The following PPFIBP2 variants were observed in gnomAD, a reference collection of about 807,000 sequenced individuals.
PPFIBP2 encodes liprin-beta-2.
In PPFIBP2, 118 loss-of-function variants were observed where a neutral mutation model predicts 118.3. That is an observed-to-expected ratio of 1.00 (90% CI 0.86 to 1.16). The LOEUF is 1.16. PPFIBP2 is among the 50% of genes most tolerant of loss of function. The pLI is 0.00. For synonymous variants in PPFIBP2, 414 were observed against 397.4 expected, an observed-to-expected ratio of 1.04 and a Z score of -0.50; for missense variants, 1,195 against 1,073.1, an observed-to-expected ratio of 1.11 and a Z score of -1.59.
At chr11:7,632,148 T>C (rs1850847345) in intron 11 of PPFIBP2, among the ~76,000 whole-genome samples, 1 of 152,230 alleles carries the variant, frequency 6.6e-6, no homozygotes, top group Non-Finnish European at 1.5e-5. Context: ...GCTCATGGTC[T>C]TTCCCCCTGT....
chr11:7,648,113 A>C (rs1359140331), intron 17 of PPFIBP2: 1 of 369,356 alleles, frequency 2.7e-6, no homozygotes. Context: ...TGTGAACATG[A>C]TCTCAGGAGG....
intron 7 of PPFIBP2, among the ~76,000 whole-genome samples, chr11:7,623,906 C>T (rs189117552): frequency 3.3e-5 from 5 of 152,272 alleles, no homozygotes; most frequent in Middle Eastern, 3.4e-3. Flanking sequence ...GCATCTTTGC[C>T]CTGAGTGAGC....
chr11:7,527,594 TAC>T (rs1406574260), intron 1 of PPFIBP2, among the ~76,000 whole-genome samples: 2 of 152,150 alleles, frequency 1.3e-5, no homozygotes, highest in Non-Finnish European at 2.9e-5. Flanking sequence ...TGTACCCCCT[TAC>T]TCAAACAGAT....
intron 6 of PPFIBP2, among the ~76,000 whole-genome samples, chr11:7,611,769 T>C (rs962067276): frequency 3.9e-5 from 6 of 152,250 alleles, no homozygotes; most frequent in African/African-American, 1.4e-4. Context: ...AGTTAGCTTT[T>C]ATTGATCACT....
chr11:7,624,551 C>T (rs1849738220), intron 7 of PPFIBP2, among the ~76,000 whole-genome samples: 1 of 152,114 alleles, frequency 6.6e-6, no homozygotes, highest in East Asian at 1.9e-4. Flanking sequence ...ACCTTGAGGA[C>T]CAAAGTGGGA....
At chr11:7,537,626 G>A (rs889287458) in intron 1 of PPFIBP2, among the ~76,000 whole-genome samples, 1 of 152,234 alleles carries the variant, frequency 6.6e-6, no homozygotes, top group African/African-American at 2.4e-5. Context: ...GGAAGGGAAA[G>A]AGCCTCCTCT....
At chr11:7,593,074 G>A (rs1277905688) in intron 3 of PPFIBP2, 58 bp from the exon 4 acceptor site, 1 of 1,597,396 alleles carries the variant, frequency 6.3e-7, no homozygotes, top group African/African-American at 1.3e-5. Context: ...TCATTTAGAA[G>A]TTGGTAAGAT....
At chr11:7,624,838 A>G (rs1410500797) in intron 7 of PPFIBP2, among the ~76,000 whole-genome samples, 1 of 152,206 alleles carries the variant, frequency 6.6e-6, no homozygotes, top group Admixed American at 6.5e-5. Flanking sequence ...AGTTTTTCCC[A>G]TTTTATAGAT....
chr11:7,633,049 AC>A lies in PPFIBP2; in HGVS notation c.1136+117del, dbSNP rs1008801072. 12 of 906,062 alleles carry A rather than the reference AC, an allele frequency of 1.3e-5. No homozygotes were observed. The African/African-American group carries it at 1.6e-4, about 12-fold the overall frequency. The allele number at this position is 906,062 out of a possible 1,614,324, so 56.1% of individuals were successfully genotyped here. A position where few individuals can be genotyped will look rare whatever the true frequency, so the allele number is the denominator to read the frequency against. On this transcript the variant is annotated intron_variant, in intron 12 of 23. Transcript: ENST00000299492. ...AGCATGGCCACTGAGTCCTAGGTGC[AC>A]CTGCCCCTCTGTTGTTAGGGCAGTT...
At chr11:7,622,981 A>G (rs1362286810) in intron 7 of PPFIBP2, among the ~76,000 whole-genome samples, 22 of 152,230 alleles carry the variant, frequency 1.4e-4, no homozygotes, top group Admixed American at 1.4e-3. Context: ...ATGTGCCAGA[A>G]TGTACCAAGC....
chr11:7,577,324 T>TATGTGC (rs1564994099), intron 3 of PPFIBP2: 32 of 266,902 alleles, frequency 1.2e-4, no homozygotes, highest in Middle Eastern at 1.4e-3. Context: ...TATGTGCGTG[T>TATGTGC]GTGTGTGTGT....
intron 7 of PPFIBP2, among the ~76,000 whole-genome samples, chr11:7,624,881 T>C (rs1006260334): frequency 6.6e-6 from 1 of 152,198 alleles, no homozygotes; most frequent in Non-Finnish European, 1.5e-5. Flanking sequence ...ACTTACTTGC[T>C]CAAGGTCACC....
chr11:7,657,760 G>A (rs1398821705), downstream of PPFIBP2, among the ~76,000 whole-genome samples: 2 of 152,208 alleles, frequency 1.3e-5, no homozygotes, highest in Admixed American at 1.3e-4. Flanking sequence ...CTCTCAGGAA[G>A]CCTTCCCGCA....
intron 5 of PPFIBP2, among the ~76,000 whole-genome samples, chr11:7,609,540 T>A (rs1847811209): frequency 6.6e-6 from 1 of 152,246 alleles, no homozygotes; most frequent in South Asian, 2.1e-4. Context: ...ATTTTTTACC[T>A]TGTTTATGCT....
intron 1 of PPFIBP2, among the ~76,000 whole-genome samples, chr11:7,517,861 G>A (rs1187338117): frequency 6.6e-6 from 1 of 152,212 alleles, no homozygotes; most frequent in Non-Finnish European, 1.5e-5. Context: ...AGGAGGTTTT[G>A]GCCTGCTCAG....
chr11:7,546,473 G>A (rs767189477), intron 1 of PPFIBP2, among the ~76,000 whole-genome samples: 6 of 152,186 alleles, frequency 3.9e-5, no homozygotes, highest in Non-Finnish European at 5.9e-5. Flanking sequence ...TTGTTTTATG[G>A]CCCTTCTGTT....
chr11:7,646,924 A>T (rs1853165444), intron 17 of PPFIBP2, among the ~76,000 whole-genome samples: 1 of 151,998 alleles, frequency 6.6e-6, no homozygotes, highest in Non-Finnish European at 1.5e-5. Flanking sequence ...AATTCTAAAT[A>T]TTCCCTTTGT....
intron 2 of PPFIBP2, among the ~76,000 whole-genome samples, chr11:7,562,268 G>A (rs753325078): frequency 4.9e-4 from 74 of 152,218 alleles, no homozygotes; most frequent in Non-Finnish European, 9.3e-4. Flanking sequence ...CTTCCACAGT[G>A]GCTCACTCAT....
In PPFIBP2 at chr11:7,534,801, G is replaced by C. The variant is rs140277196; in HGVS notation, c.-36-14639G>C. Among the ~76,000 whole-genome samples, 8 of 152,298 alleles carry C rather than the reference G, an allele frequency of 5.3e-5. No individual in the cohort carries two copies. In the East Asian group the frequency reaches 1.5e-3, roughly 29 times the overall value. ...GCCAGACACCAATTTAATTTACTCT[G>C]GCAGGCATTGTGCAGTGGCCACAAC... On this transcript the variant is annotated intron_variant, in intron 1 of 23. Coordinates refer to ENST00000299492, the MANE Select transcript of PPFIBP2 (RefSeq NM_003621.5).
Sources: allele counts gnomAD v4.1 joint callset (sites outside exome capture counted in the v4.1 genomes callset), GRCh38; gene constraint gnomAD v4.1.1; transcripts MANE v1.5; gene names NCBI Gene and HGNC (gene_info 2026-07-23, HGNC 2026-07-21).